Variants in GLIS3 observed in about 807,000 individuals in gnomAD.
GLIS3 encodes the protein GLIS family zinc finger 3.
GLIS3 carries 53 observed loss-of-function variants against 78.6 expected under a neutral mutation model. The observed-to-expected ratio is 0.67, with a 90% CI of 0.54 to 0.85. GLIS3 has a LOEUF of 0.85. GLIS3 is among the 40% of genes least tolerant of loss of function. The pLI, the probability that GLIS3 is intolerant of heterozygous loss-of-function variation, is 0.00. For synonymous variants in GLIS3, 684 were observed against 509.9 expected (o/e 1.34, Z -4.60); for missense variants, 1,703 against 1,231.1 (o/e 1.38, Z -5.74).
the GLIS3 span, among the ~76,000 whole-genome samples, chr9:4,457,045 C>G: frequency 6.6e-6 from 1 of 152,096 alleles, no homozygotes; most frequent in Non-Finnish European, 1.5e-5. Flanking sequence ...CTCAGGGTTG[C>G]CACAAACCTT....
chr9:4,057,538 C>A (rs1407333926), intron 4 of GLIS3, among the ~76,000 whole-genome samples: 2 of 151,262 alleles, frequency 1.3e-5, no homozygotes, highest in African/African-American at 4.9e-5. Context: ...GTTCAGCAGG[C>A]ATTTGAGGTC....
At chr9:4,098,188 C>G (rs1830108070) in intron 4 of GLIS3, among the ~76,000 whole-genome samples, 1 of 152,182 alleles carries the variant, frequency 6.6e-6, no homozygotes, top group African/African-American at 2.4e-5. Context: ...ACTTTCGAAA[C>G]TTTGTAACAC....
At chr9:4,009,175 C>T (rs149387349) in intron 4 of GLIS3, among the ~76,000 whole-genome samples, 17 of 152,312 alleles carry the variant, frequency 1.1e-4, no homozygotes, top group Non-Finnish European at 2.1e-4. Context: ...CGTTCCTGAA[C>T]GCCATGTGCA....
chr9:4,207,508 G>A (rs1228031941), intron 2 of GLIS3, among the ~76,000 whole-genome samples: 1 of 152,142 alleles, frequency 6.6e-6, no homozygotes, highest in African/African-American at 2.4e-5. Flanking sequence ...AATCTGGGAG[G>A]ATTCATAATT....
chr9:4,118,232 C>G lies in GLIS3; in HGVS notation c.1246G>C (p.Gly416Arg), dbSNP rs1161129948. 6.3e-7 allele frequency: 1 copy of G among 1,588,724 alleles called. No individual in the cohort carries two copies. The highest frequency in any genetic ancestry group is 1.3e-5 in the African/African-American group (1 of 74,626). ...GLVNHMVVQH[G>R]LPGPDSQSAG... ...GACTGGCTGTCGGGGCCCGGCAGGC[C>G]ATGCTGCACCACCATGTGGTTGACC... is the stretch of plus-strand genomic sequence containing the variant. Residue 416 changes from glycine (G) to arginine (R), a missense_variant, in exon 4 of 11, where the codon GGC (glycine) becomes CGC (arginine). Physicochemically the swap from Gly to Arg is moderately radical, Grantham distance 125 (BLOSUM62 -2). Coordinates refer to ENST00000381971, the MANE Select transcript of GLIS3 (RefSeq NM_001042413.2). The surrounding 1 kb of genome is among the most constrained non-coding windows in gnomAD (Gnocchi z 4.7).
At chr9:4,435,984 A>C in the GLIS3 span, among the ~76,000 whole-genome samples, 1 of 151,080 alleles carries the variant, frequency 6.6e-6, no homozygotes, top group Non-Finnish European at 1.5e-5. Context: ...AAAAACAAAC[A>C]AATAAAAATC....
Position 4,118,013 on chromosome 9 carries a change from C to A in GLIS3, c.1465G>T (p.Asp489Tyr), listed in dbSNP as rs1048770127. The stretch of plus-strand genomic sequence containing the variant: ...CCGATGCCGTCCATCTCCCCGTCGT[C>A]GTCCAGGGTGGCCTGGGGCAAGGCC... ...QLALPQATLD[D>Y]DGEMDGIGGK... Residue 489 changes from aspartate (D) to tyrosine (Y), a missense_variant, in exon 4 of 11, where the codon GAC becomes TAC. Coordinates refer to ENST00000381971, the MANE Select transcript of GLIS3 (RefSeq NM_001042413.2). The surrounding 1 kb of genome is among the most constrained non-coding windows in gnomAD (Gnocchi z 4.7). 5 of 1,605,794 alleles carry A rather than the reference C, an allele frequency of 3.1e-6. No homozygotes were observed. In the African/African-American group the frequency reaches 5.4e-5, roughly 17 times the overall value.
chr9:3,902,486 A>C (rs559691856), intron 6 of GLIS3, among the ~76,000 whole-genome samples: 2 of 152,244 alleles, frequency 1.3e-5, no homozygotes, highest in Non-Finnish European at 2.9e-5. Flanking sequence ...TTATTTAAAA[A>C]ACTGCATAAT....
chr9:4,199,735 G>T (rs570471357), intron 2 of GLIS3, among the ~76,000 whole-genome samples: 1 of 152,180 alleles, frequency 6.6e-6, no homozygotes, highest in Non-Finnish European at 1.5e-5. Context: ...CCCACTGACA[G>T]CATTAGACAG....
chr9:3,992,824 G>A (rs605860), intron 4 of GLIS3, among the ~76,000 whole-genome samples: 7,396 of 152,210 alleles, frequency 0.049, 614 homozygotes, highest in African/African-American at 0.17. Flanking sequence ...TCTCTACCAT[G>A]ACCAATTCTG....
intron 2 of GLIS3, among the ~76,000 whole-genome samples, chr9:4,263,673 G>T (rs1825730190): frequency 6.6e-6 from 1 of 152,198 alleles, no homozygotes; most frequent in African/African-American, 2.4e-5. Context: ...TTGAACTCCT[G>T]TCAAGGTCAG....
At chr9:3,999,545 A>G (rs1165472365) in intron 4 of GLIS3, among the ~76,000 whole-genome samples, 1 of 152,002 alleles carries the variant, frequency 6.6e-6, no homozygotes, top group Non-Finnish European at 1.5e-5. Context: ...GGGAAATACT[A>G]ACAAAAATTG....
chr9:4,449,535 C>A, the GLIS3 span, among the ~76,000 whole-genome samples: 1 of 152,184 alleles, frequency 6.6e-6, no homozygotes, highest in Non-Finnish European at 1.5e-5. Context: ...GTCCCTGACC[C>A]CCGTGTAGCC....
intron 4 of GLIS3, among the ~76,000 whole-genome samples, chr9:4,100,193 T>C (rs113014241): frequency 0.016 from 2,361 of 152,238 alleles, 66 homozygotes; most frequent in African/African-American, 0.049. Context: ...GGTGGTGTAG[T>C]ATGCGGGTAC....
intron 4 of GLIS3, among the ~76,000 whole-genome samples, chr9:4,068,907 T>C (rs1200839817): frequency 2.0e-5 from 3 of 151,962 alleles, no homozygotes; most frequent in Non-Finnish European, 4.4e-5. Context: ...CAATAAATCC[T>C]GGTCTGTCCA....
intron 4 of GLIS3, among the ~76,000 whole-genome samples, chr9:4,027,615 G>T (rs1165414721): frequency 6.6e-6 from 1 of 152,138 alleles, no homozygotes; most frequent in Non-Finnish European, 1.5e-5. Context: ...CTAGCTGCAA[G>T]AGTGTGAATG....
chr9:4,325,158 C>G (rs957333580), intron 2 of GLIS3, among the ~76,000 whole-genome samples: 2 of 152,132 alleles, frequency 1.3e-5, no homozygotes, highest in African/African-American at 4.8e-5. Flanking sequence ...GCTACACCAC[C>G]CTCTCTATAC....
At chr9:3,859,290 G>T (rs904010864) in intron 8 of GLIS3, among the ~76,000 whole-genome samples, 3 of 149,540 alleles carry the variant, frequency 2.0e-5, no homozygotes, top group Non-Finnish European at 3.0e-5. Flanking sequence ...AGGCAGGATG[G>T]GGAACTCAGA....
chr9:4,064,041 T>C (rs543897368), intron 4 of GLIS3, among the ~76,000 whole-genome samples: 2 of 152,198 alleles, frequency 1.3e-5, no homozygotes, highest in African/African-American at 4.8e-5. Context: ...AGAAGCTCAA[T>C]AGTTGACAAG....
Sources: gnomAD v4.1 joint callset for allele counts (sites outside exome capture counted in the v4.1 genomes callset) on GRCh38, gnomAD v4.1.1 for gene constraint, Gnocchi (gnomAD v3.1) non-coding constraint, MANE v1.5 for transcripts, NCBI Gene and HGNC (gene_info 2026-07-23, HGNC 2026-07-21) for gene names.